RAB3GAP2: variants seen among roughly 807,000 people sequenced by gnomAD.
The protein encoded by RAB3GAP2 is rab3 GTPase-activating protein non-catalytic subunit.
In RAB3GAP2, 87 loss-of-function variants were observed where a neutral mutation model predicts 185.3. The observed-to-expected ratio is 0.47, with a 90% CI of 0.39 to 0.56. The LOEUF is 0.56. RAB3GAP2 is among the 20% of genes least tolerant of loss of function. The probability of loss-of-function intolerance (pLI) is 0.00; values close to 1 mark genes in which losing one functional copy is unlikely to be tolerated. For missense variants in RAB3GAP2, 1,492 were observed against 1,638.2 expected (o/e 0.91, Z 1.54); for synonymous variants, 554 against 576.1 (o/e 0.96, Z 0.55).
intron 1 of RAB3GAP2, among the ~76,000 whole-genome samples, chr1:220,247,330 A>T (rs1194789414): frequency 6.6e-6 from 1 of 152,206 alleles, no homozygotes; most frequent in East Asian, 1.9e-4. Context: ...ACAATTCACA[A>T]CTACAAAGAT....
Position 220,172,046 on chromosome 1 carries a change from G to C in RAB3GAP2, c.2420C>G (p.Ala807Gly), listed in dbSNP as rs1468683902. ...MLSLLSKMKV[A>G]IDETWDSQSV... is the part of the protein sequence containing the mutation. ...CTGAGAATCCCAGGTCTCATCGATGGCCACTATAGGGATAGGAGAAAACAG... is the reference window on the plus strand; with the variant it reads ...CTGAGAATCCCAGGTCTCATCGATGCCCACTATAGGGATAGGAGAAAACAG... The change falls in exon 23 of 35, where the codon GCC becomes GGC. Residue 807 changes from alanine to glycine, a missense_variant. By Grantham distance (60) the Ala-to-Gly change is moderately conservative (BLOSUM62 0). This residue lies in a region of RAB3GAP2 where 681 missense variants were observed against 689.1 expected (regional missense o/e 0.99). Coordinates refer to ENST00000358951, the MANE Select transcript of RAB3GAP2 (RefSeq NM_012414.4). 1 of 1,613,954 alleles carries C rather than the reference G, an allele frequency of 6.2e-7. No homozygotes were observed. The highest frequency in any genetic ancestry group is 1.3e-5 in the African/African-American group (1 of 74,894).
intron 12 of RAB3GAP2, among the ~76,000 whole-genome samples, chr1:220,194,291 A>C (rs1008710945): frequency 6.6e-6 from 1 of 152,058 alleles, no homozygotes; most frequent in African/African-American, 2.4e-5. Flanking sequence ...ACCAAAAAAA[A>C]CTCACCAATA....
chr1:220,183,723 T>A (rs1658455261), intron 19 of RAB3GAP2, among the ~76,000 whole-genome samples: 1 of 152,202 alleles, frequency 6.6e-6, no homozygotes, highest in South Asian at 2.1e-4. Context: ...ATTCTCATTG[T>A]ATCTACATAT....
At chr1:220,163,584 G>T (rs544537385) in intron 27 of RAB3GAP2, among the ~76,000 whole-genome samples, 2 of 150,852 alleles carry the variant, frequency 1.3e-5, no homozygotes, top group Non-Finnish European at 3.0e-5. Flanking sequence ...GGATGGTCTC[G>T]ATCTCCTGAC....
rs779972563 is a variant in RAB3GAP2 at position 220,195,139 on chromosome 1, C to G, written c.1069G>C (p.Glu357Gln). 1 of 1,614,116 alleles carries G rather than the reference C, an allele frequency of 6.2e-7. No homozygotes were observed. The highest frequency in any genetic ancestry group is 1.7e-5 in the Admixed American group (1 of 60,008). The part of the protein sequence containing the change: ...SGWLGWKSKH[E>Q]EEAVQKQKPK... ...TTTTGCTTTTGGACAGCTTCTTCTT[C>G]GTGCTTACTTTTCCAACCAAGCCAA... Residue 357 changes from glutamate to glutamine, a missense_variant, in exon 12 of 35, where the codon GAA becomes CAA. Glu to Gln is a conservative substitution (Grantham distance 29). Transcript: ENST00000358951.
At chr1:220,173,558 C>T (rs146622208) in intron 21 of RAB3GAP2, among the ~76,000 whole-genome samples, 90 of 152,256 alleles carry the variant, frequency 5.9e-4, no homozygotes, top group African/African-American at 2.1e-3. Flanking sequence ...GGAGAAGAAG[C>T]ACATGAAAGA....
In RAB3GAP2 at chr1:220,191,772, C is replaced by T. The variant is rs1338252039; in HGVS notation, c.1271-488G>A. On this transcript the variant is annotated intron_variant, in intron 13 of 34. Transcript: ENST00000358951. ...GGTGGAGGTTGCAGTGAGCCCAGAT[C>T]GCACCATTGAACTCCAGCCTGGGCA... Among the ~76,000 whole-genome samples the T allele has an allele frequency of 3.3e-5, 5 of 151,170 alleles. No homozygotes were observed. The East Asian group carries it at 5.8e-4, about 18-fold the overall frequency.
chr1:220,187,187 C>A (rs1039172780), intron 17 of RAB3GAP2, among the ~76,000 whole-genome samples: 14 of 152,158 alleles, frequency 9.2e-5, no homozygotes, highest in South Asian at 2.1e-4. Context: ...TGGTCTATGG[C>A]CCCAGTACCT....
chr1:220,252,803 G>C (rs146434838), intron 1 of RAB3GAP2, among the ~76,000 whole-genome samples: 205 of 152,222 alleles, frequency 1.3e-3, no homozygotes, highest in Middle Eastern at 6.8e-3. Flanking sequence ...GGCACACACA[G>C]AGAACCATGA....
chr1:220,272,135 G>C lies in RAB3GAP2; in HGVS notation c.115+88C>G. The C allele has an allele frequency of 2.6e-6, 3 of 1,138,254 alleles. No individual in the cohort carries two copies. The Admixed American group carries it at 5.9e-5, about 23-fold the overall frequency. The allele number at this position is 1,138,254 out of a possible 1,614,324, so 70.5% of individuals were successfully genotyped here. ...CTGGGGGTCCAGAGGGCAGAGGCAG[G>C]AGGCGCAGAGCGAGTAGGAGACTCG... is the stretch of plus-strand genomic sequence containing the variant. On this transcript the variant is annotated intron_variant, in intron 1 of 34. Coordinates refer to ENST00000358951, the MANE Select transcript of RAB3GAP2 (RefSeq NM_012414.4).
At chr1:220,204,512 T>C (rs1186544440) in intron 8 of RAB3GAP2, among the ~76,000 whole-genome samples, 2 of 152,166 alleles carry the variant, frequency 1.3e-5, no homozygotes, top group Non-Finnish European at 2.9e-5. Context: ...AGTTAAACTT[T>C]GTTTTGGGGC....
intron 21 of RAB3GAP2, among the ~76,000 whole-genome samples, chr1:220,176,352 A>G (rs1658288473): frequency 6.6e-6 from 1 of 152,198 alleles, no homozygotes; most frequent in African/African-American, 2.4e-5. Context: ...GGTCACCAAG[A>G]TGGCGGAATA....
At chr1:220,237,120 C>A (rs1432090974) in intron 1 of RAB3GAP2, among the ~76,000 whole-genome samples, 1 of 152,102 alleles carries the variant, frequency 6.6e-6, no homozygotes, top group Non-Finnish European at 1.5e-5. Context: ...AAAGGCAAAT[C>A]AATTTAACAA....
chr1:220,153,976 G>A lies in RAB3GAP2; in HGVS notation c.3637C>T (p.Arg1213Ter), dbSNP rs587777169. ...CAATAGCTATAATTTACCTGTTGTC[G>A]TACAGAAATAAAATTTGGATCCATT... ...GEMDPNFISV[R>*]QQFLLKVVSA... The change falls in exon 32 of 35, where the codon CGA becomes TGA. Residue 1213 changes from arginine (R) to a stop codon, truncating the protein, a stop_gained. Transcript: ENST00000358951. LOFTEE classifies it high-confidence loss of function. The A allele has an allele frequency of 6.8e-6, 11 of 1,612,842 alleles. No individual in the cohort carries two copies. Among genetic ancestry groups the A allele is most frequent in the South Asian group, 3.3e-5 (3 of 91,034 alleles).
At chr1:220,215,679 T>C (rs1659179945) in intron 2 of RAB3GAP2, among the ~76,000 whole-genome samples, 1 of 152,116 alleles carries the variant, frequency 6.6e-6, no homozygotes, top group East Asian at 1.9e-4. Context: ...GTTTTTCCTA[T>C]TTGTGATGGC....
intron 1 of RAB3GAP2, among the ~76,000 whole-genome samples, chr1:220,240,136 T>C (rs1477843081): frequency 1.3e-5 from 2 of 152,074 alleles, no homozygotes; most frequent in African/African-American, 4.8e-5. Flanking sequence ...AATCTAAAAA[T>C]AGATGATGAG....
chr1:220,213,719 G>C, intron 3 of RAB3GAP2, 137 bp downstream of exon 3: 1 of 779,800 alleles, frequency 1.3e-6, no homozygotes, highest in Non-Finnish European at 1.9e-6. Flanking sequence ...GAGGGAGGGG[G>C]CGGAGGAGGA....
intron 13 of RAB3GAP2, among the ~76,000 whole-genome samples, chr1:220,192,102 T>C (rs145000092): frequency 3.3e-5 from 5 of 152,320 alleles, no homozygotes; most frequent in Admixed American, 6.5e-5. Context: ...AGGAATAAGA[T>C]TGCCATAGTG....
At chr1:220,153,053 G>T in intron 33 of RAB3GAP2, 132 bp downstream of exon 33, 1 of 734,022 alleles carries the variant, frequency 1.4e-6, no homozygotes, top group Non-Finnish European at 2.4e-6. Flanking sequence ...ATATTCTATT[G>T]TTCTATTTTT....
Sources: allele counts gnomAD v4.1 joint callset (sites outside exome capture counted in the v4.1 genomes callset), GRCh38; gene constraint gnomAD v4.1.1; regional missense constraint gnomAD v4.1.1; transcripts MANE v1.5; gene names NCBI Gene and HGNC (gene_info 2026-07-23, HGNC 2026-07-21).